The following EIF3G variants were observed in gnomAD, a reference collection of about 807,000 sequenced individuals.
EIF3G encodes eukaryotic translation initiation factor 3 RNA-binding subunit.
EIF3G carries 10 observed loss-of-function variants against 41.7 expected under a neutral mutation model. The observed-to-expected ratio is 0.24, with a 90% confidence interval of 0.15 to 0.41. The LOEUF is 0.41. Ranked by LOEUF, EIF3G falls within the 10% of genes least tolerant of loss-of-function variation. EIF3G has a pLI of 1.00. For missense variants in EIF3G, 297 were observed against 444.0 expected (o/e 0.67, Z 2.98); for synonymous variants, 204 against 172.5 (o/e 1.18, Z -1.43).
chr19:10,116,906 G>A lies in EIF3G; in HGVS notation c.489C>T (p.Asp163=). 6.2e-7 allele frequency: 1 copy of A among 1,614,024 alleles called. No homozygotes were observed. The highest frequency in any genetic ancestry group is 8.5e-7 in the Non-Finnish European group (1 of 1,179,972). ...TGTAGGGGCAGCGGGTGGTCCAGTG[G>A]TCGCCCTTGCAGATGCGGCAGGACA... ...KIVSCRICKG[D]HWTTRCPYKD... The change falls in exon 7 of 11, where the codon GAC becomes GAT. Residue 163 remains aspartate, a synonymous_variant. Coordinates refer to ENST00000253108, the MANE Select transcript of EIF3G (RefSeq NM_003755.5). The surrounding 1 kb of genome is among the most constrained non-coding windows in gnomAD (Gnocchi z 4.1).
At position 10,115,065 on chromosome 19, in the gene EIF3G, T is replaced by C. The variant is rs775096789; in HGVS notation, c.*49A>G. 8.1e-6 allele frequency: 13 copies of C among 1,612,834 alleles called. No individual in the cohort carries two copies. Among genetic ancestry groups the C allele is most frequent in the Non-Finnish European group, 1.1e-5 (13 of 1,179,632 alleles). ...CCTTGGAGCCCGCGCTCTCGGAGGCTGTCTTCTGTCGCCAAGGGTCCCGGA... is the reference window on the plus strand; with the variant it reads ...CCTTGGAGCCCGCGCTCTCGGAGGCCGTCTTCTGTCGCCAAGGGTCCCGGA... On this transcript the variant is annotated 3_prime_UTR_variant, in exon 11 of 11. Transcript: ENST00000253108.
At chr19:10,115,233 G>A (rs1324823409) in intron 10 of EIF3G, 104 bp from the exon 11 acceptor site, 1 of 1,453,420 alleles carries the variant, frequency 6.9e-7, no homozygotes, top group African/African-American at 1.4e-5. Flanking sequence ...ACGGGGTAAT[G>A]TGAGGACGAA....
In EIF3G at chr19:10,119,851, A is replaced by C. The variant is rs897071959; in HGVS notation, c.9T>G (p.Thr3=). 1 of 1,614,168 alleles carries C rather than the reference A, an allele frequency of 6.2e-7. No homozygotes were observed. The highest frequency in any genetic ancestry group is 2.2e-5 in the East Asian group (1 of 44,878). Residue 3 remains threonine (T), a synonymous_variant, in exon 1 of 11, where the codon ACT becomes ACG. Coordinates refer to ENST00000253108, the MANE Select transcript of EIF3G (RefSeq NM_003755.5). ...GATCGCCGACTCACTCAAAGTCTCC[A>C]GTAGGCATCGCAAAAAGTATTCTCC... The part of the protein sequence containing the change: MP[T]GDFDSKPSWA...
chr19:10,115,221 G>T, intron 10 of EIF3G, 92 bp from the exon 11 acceptor site: 1 of 1,516,724 alleles, frequency 6.6e-7, no homozygotes, highest in Non-Finnish European at 9.0e-7. Flanking sequence ...GGTGGGCAGA[G>T]GACGGGGTAA....
chr19:10,118,944 G>C lies in EIF3G; in HGVS notation c.164C>G (p.Pro55Arg). ...PELLPGAPLP[P>R]PKEVINGNIK... ...GTTTCCGTTGATGACCTCCTTGGGA[G>C]GCGGCAGTGGAGCTGGCAGAAGGGG... Residue 55 changes from proline (P) to arginine (R), a missense_variant, in exon 4 of 11, where the codon CCT becomes CGT. Coordinates refer to ENST00000253108, the MANE Select transcript of EIF3G (RefSeq NM_003755.5). The C allele has an allele frequency of 6.2e-7, 1 of 1,614,146 alleles. No homozygotes were observed. Among genetic ancestry groups the C allele is most frequent in the Non-Finnish European group, 8.5e-7 (1 of 1,180,034 alleles).
chr19:10,118,251 G>T, intron 5 of EIF3G: 1 of 207,590 alleles, frequency 4.8e-6, no homozygotes, highest in Non-Finnish European at 9.9e-6. Context: ...CCTCAGTTCA[G>T]CTTCAACAAA....
chr19:10,116,465 A>C lies in EIF3G; in HGVS notation c.595+335T>G. 1 of 477,888 alleles carries C rather than the reference A, an allele frequency of 2.1e-6. No homozygotes were observed. 29.6% of individuals were successfully genotyped at this position (477,888 alleles called of 1,614,324 possible). A position where few individuals can be genotyped will look rare whatever the true frequency, so the allele number is the denominator to read the frequency against. On this transcript the variant is annotated intron_variant, in intron 7 of 10. Coordinates refer to ENST00000253108, the MANE Select transcript of EIF3G (RefSeq NM_003755.5). This position sits in a 1 kb window ranked among gnomAD's most constrained non-coding sequence, Gnocchi z 4.1. The stretch of plus-strand genomic sequence containing the variant: ...TCGCCACCAGCAAATCCCACCAAAG[A>C]ATTCGGACGGTACAGCCACAGGCAT...
chr19:10,116,073 C>T lies in EIF3G; in HGVS notation c.597G>A (p.Glu199=). Residue 199 remains glutamate (E), a splice_region_variant and synonymous_variant, in exon 8 of 11, where the codon GAG becomes GAA. Coordinates refer to ENST00000253108, the MANE Select transcript of EIF3G (RefSeq NM_003755.5). The surrounding 1 kb of genome is among the most constrained non-coding windows in gnomAD (Gnocchi z 4.1). The part of the protein sequence containing the change: ...STGEKEKLPG[E]LEPVQATQNK... Reference sequence around the variant, plus strand: ...TCTGCGTGGCCTGCACCGGCTCTAGCTCTGGGGACCAAAAGACAGTCAAGT... The same window carrying T: ...TCTGCGTGGCCTGCACCGGCTCTAGTTCTGGGGACCAAAAGACAGTCAAGT... 1 of 1,613,544 alleles carries T rather than the reference C, an allele frequency of 6.2e-7. No homozygotes were observed. Among genetic ancestry groups the T allele is most frequent in the Non-Finnish European group, 8.5e-7 (1 of 1,179,732 alleles).
rs368465202 is a variant in EIF3G, at chr19:10,118,700, G to T, written c.268C>A (p.Arg90=). The T allele has an allele frequency of 4.3e-6, 7 of 1,614,090 alleles. No homozygotes were observed. The highest frequency in any genetic ancestry group is 5.9e-6 in the Non-Finnish European group (7 of 1,180,028). ...KIVRTFRIET[R]KASKAVARRK... ...CTTGCGACAGCCTTTGAAGCCTTCC[G>T]GGTCTCAATCCTGAAGGTGCGGACA... is the stretch of plus-strand genomic sequence containing the variant. The change falls in exon 5 of 11, where the codon CGG becomes AGG. Residue 90 remains arginine (R), a synonymous_variant. Transcript: ENST00000253108.
chr19:10,115,958 G>A lies in EIF3G; in HGVS notation c.703+9C>T. On this transcript the variant is annotated intron_variant, in intron 8 of 10. Coordinates refer to ENST00000253108, the MANE Select transcript of EIF3G (RefSeq NM_003755.5). The stretch of plus-strand genomic sequence containing the variant: ...CCACCCACCAGCCTGGCGTCGGGGT[G>A]CCCCTCACCTCTGCGGTTGGGCTGC... The A allele has an allele frequency of 6.2e-7, 1 of 1,612,120 alleles. No individual in the cohort carries two copies. Among genetic ancestry groups the A allele is most frequent in the Non-Finnish European group, 8.5e-7 (1 of 1,179,006 alleles).
rs1480390778 is a variant in EIF3G, at chr19:10,117,151, G to A, written c.338C>T (p.Pro113Leu). Residue 113 changes from proline (P) to leucine (L), a missense_variant, in exon 6 of 11, where the codon CCC (proline) becomes CTC (leucine). By Grantham distance (98) the Pro-to-Leu change is moderately conservative (BLOSUM62 -3). Transcript: ENST00000253108. Reference sequence around the variant, plus strand: ...AGTGGTGGTGGCCACATTGGGTCCGGGGGGGTCAAACTCTGAGTTCCCGAA... The same window carrying A: ...AGTGGTGGTGGCCACATTGGGTCCGAGGGGGTCAAACTCTGAGTTCCCGAA... ...KKFGNSEFDP[P>L]GPNVATTTVS... 3 of 1,613,304 alleles carry A rather than the reference G, an allele frequency of 1.9e-6. No individual in the cohort carries two copies. The highest frequency in any genetic ancestry group is 2.2e-5 in the East Asian group (1 of 44,868).
intron 8 of EIF3G, 72 bp from the exon 9 acceptor site, chr19:10,115,892 T>C: frequency 1.9e-6 from 3 of 1,601,828 alleles, no homozygotes; most frequent in Non-Finnish European, 2.6e-6. Context: ...CCAGCCCTCG[T>C]GTGCACGCTT....
chr19:10,115,903 C>T (rs117516437), intron 8 of EIF3G, 64 bp downstream of exon 8: 40,044 of 1,604,978 alleles, frequency 0.025, 594 homozygotes, highest in Non-Finnish European at 0.03. Flanking sequence ...GTGCACGCTT[C>T]GGGGATAATT....
In EIF3G at chr19:10,118,572, A is replaced by C. The variant is rs892551037; in HGVS notation, c.300+96T>G. ...AGAGCAACACTCTGTCTCAAAAAAA[A>C]AAAAAAAAAAGAGTTAAGCCCCATC... On this transcript the variant is annotated intron_variant, in intron 5 of 10. Transcript: ENST00000253108. The C allele has an allele frequency of 2.2e-6, 3 of 1,333,840 alleles. No individual in the cohort carries two copies. The African/African-American group carries it at 4.4e-5, about 20-fold the overall frequency. The allele number at this position is 1,333,840 out of a possible 1,614,324, so 82.6% of individuals were successfully genotyped here. A position where few individuals can be genotyped will look rare whatever the true frequency, so the allele number is the denominator to read the frequency against.
Position 10,119,649 on chromosome 19 carries a change from C to A in EIF3G, c.67+5G>T. 1 of 1,570,704 alleles carries A rather than the reference C, an allele frequency of 6.4e-7. No individual in the cohort carries two copies. Among genetic ancestry groups the A allele is most frequent in the Non-Finnish European group, 8.6e-7 (1 of 1,156,696 alleles). On this transcript the variant is annotated splice_donor_5th_base_variant and intron_variant, in intron 2 of 10. Transcript: ENST00000253108. ...CGAATACCCCGGGCGACCGTGTACA[C>A]TTACCGTCCTCCCCCTCCTCCTCCA...
At chr19:10,115,919 G>A (rs752411883) in intron 8 of EIF3G, 48 bp downstream of exon 8, 1 of 1,606,092 alleles carries the variant, frequency 6.2e-7, no homozygotes, top group East Asian at 2.2e-5. Flanking sequence ...TAATTACGAG[G>A]TGCCGGGAGG....
chr19:10,115,073 G>A lies in EIF3G; in HGVS notation c.*41C>T, dbSNP rs1415695642. 6.2e-7 allele frequency: 1 copy of A among 1,613,566 alleles called. No individual in the cohort carries two copies. Among genetic ancestry groups the A allele is most frequent in the East Asian group, 2.2e-5 (1 of 44,892 alleles). On this transcript the variant is annotated 3_prime_UTR_variant, in exon 11 of 11. Coordinates refer to ENST00000253108, the MANE Select transcript of EIF3G (RefSeq NM_003755.5). ...CCCGCGCTCTCGGAGGCTGTCTTCT[G>A]TCGCCAAGGGTCCCGGACCGAGTAC...
Position 10,118,920 on chromosome 19 carries a change from T to C in EIF3G, c.188A>G (p.Asn63Ser). 18 of 1,614,112 alleles carry C rather than the reference T, an allele frequency of 1.1e-5. No individual in the cohort carries two copies. The highest frequency in any genetic ancestry group is 1.5e-5 in the Non-Finnish European group (18 of 1,180,006). Residue 63 changes from asparagine to serine, a missense_variant, in exon 4 of 11, where the codon AAC becomes AGC. Around this residue, in one of 4 missense-constraint regions of EIF3G, gnomAD observed 147 missense variants for 162.4 expected, o/e 0.91. Transcript: ENST00000253108. ...CTTGTACTCTGTCACTGTCTTTATG[T>C]TTCCGTTGATGACCTCCTTGGGAGG... ...LPPPKEVING[N>S]IKTVTEYKID...
At chr19:10,115,643 T>C (rs367686709) in intron 9 of EIF3G, 41 bp downstream of exon 9, 146 of 1,609,506 alleles carry the variant, frequency 9.1e-5, no homozygotes, top group Non-Finnish European at 1.2e-4. Context: ...CTAGGACAAG[T>C]GACCCTCACA....
Sources: gnomAD v4.1 joint callset for allele counts on GRCh38, gnomAD v4.1.1 for gene constraint, gnomAD v4.1.1 regional missense constraint, Gnocchi (gnomAD v3.1) non-coding constraint, MANE v1.5 for transcripts, NCBI Gene and HGNC (gene_info 2026-07-23, HGNC 2026-07-21) for gene names.